Variants in KLK9 observed in about 807,000 individuals in gnomAD.
The protein encoded by KLK9 is kallikrein-9.
A neutral mutation model predicts 23.3 loss-of-function variants in KLK9; 26 were observed. The ratio of observed to expected loss-of-function variants is 1.12; its 90% CI spans 0.82 to 1.55. The LOEUF is 1.55. Among genes scored for constraint, KLK9 ranks in the 40% most tolerant of loss-of-function variants. The pLI is 0.00. For synonymous variants in KLK9, 122 were observed against 128.5 expected (o/e 0.95, Z 0.34); for missense variants, 346 against 333.7 (o/e 1.04, Z -0.29).
In KLK9 at chr19:51,006,880, A is replaced by G. The variant is rs1600130782; in HGVS notation, c.201-157T>C. Among the ~76,000 whole-genome samples, 2 of 151,742 alleles carry G rather than the reference A, an allele frequency of 1.3e-5. No homozygotes were observed. The highest frequency in any genetic ancestry group is 3.9e-4 in the East Asian group (2 of 5,176). ...TCTATGTCTGGCCCAGGGTACTGTG[A>G]TTTTAAGCGAGGCACACACCTCCTC... On this transcript the variant is annotated intron_variant, in intron 2 of 4. Transcript: ENST00000594211. This position sits in a 1 kb window ranked among gnomAD's most constrained non-coding sequence, Gnocchi z 4.1.
chr19:51,003,192 G>C lies in KLK9; in HGVS notation c.672C>G (p.Pro224=), dbSNP rs375230469. 2 of 1,587,836 alleles carry C rather than the reference G, an allele frequency of 1.3e-6. No individual in the cohort carries two copies. The highest frequency in any genetic ancestry group is 2.8e-5 in the African/African-American group (2 of 71,858). The change falls in exon 5 of 5, where the codon CCC becomes CCG. Residue 224 remains proline (P), a synonymous_variant. Coordinates refer to ENST00000594211, the MANE Select transcript of KLK9 (RefSeq NM_012315.2). ...LAGVVSGGAE[P]CSRPRRPAVY... ...CTGCGGGGCGCCGGGGTCTGGAGCA[G>C]GGCTCAGCACCCCCAGACACCACGC... is the stretch of plus-strand genomic sequence containing the variant.
chr19:51,009,540 A>G lies in KLK9; in HGVS notation c.8T>C (p.Leu3Pro). ...AGAGAGCAGAGCACAGAGGAGTCCC[A>G]GCTTCATGACCCCTGGGCACCTGGA... MK[L>P]GLLCALLSLL... Residue 3 changes from leucine (L) to proline (P), a missense_variant, in exon 1 of 5, where the codon CTG becomes CCG. Coordinates refer to ENST00000594211, the MANE Select transcript of KLK9 (RefSeq NM_012315.2). The surrounding 1 kb of genome is among the most constrained non-coding windows in gnomAD (Gnocchi z 4.8). 9.9e-6 allele frequency: 16 copies of G among 1,612,948 alleles called. No homozygotes were observed. The highest frequency in any genetic ancestry group is 1.3e-5 in the Non-Finnish European group (15 of 1,179,700).
intron 2 of KLK9, among the ~76,000 whole-genome samples, chr19:51,007,136 G>A (rs2091258832): frequency 6.6e-6 from 1 of 151,830 alleles, no homozygotes; most frequent in African/African-American, 2.4e-5. Context: ...TGTGGGAGCG[G>A]CTCTGTATGT....
Position 51,006,267 on chromosome 19 carries a change from C to T in KLK9, c.466+191G>A, listed in dbSNP as rs573024555. Among the ~76,000 whole-genome samples, 1 of 151,910 alleles carries T rather than the reference C, an allele frequency of 6.6e-6. No homozygotes were observed. Among genetic ancestry groups the T allele is most frequent in the Non-Finnish European group, 1.5e-5 (1 of 67,948 alleles). On this transcript the variant is annotated intron_variant, in intron 3 of 4. Coordinates refer to ENST00000594211, the MANE Select transcript of KLK9 (RefSeq NM_012315.2). The surrounding 1 kb of genome is among the most constrained non-coding windows in gnomAD (Gnocchi z 4.1). ...TCTCCTCCTCCTCCTTCTTCCACTTCTTCGCAGTTCATGAAATAATGGCAC... is the reference window on the plus strand; with the variant it reads ...TCTCCTCCTCCTCCTTCTTCCACTTTTTCGCAGTTCATGAAATAATGGCAC...
At chr19:51,007,910 T>C (rs933012377) in intron 2 of KLK9, among the ~76,000 whole-genome samples, 4 of 152,200 alleles carry the variant, frequency 2.6e-5, no homozygotes, top group African/African-American at 9.6e-5. Context: ...GCTCAAGGTT[T>C]AGAGTTTTAT....
intron 2 of KLK9, among the ~76,000 whole-genome samples, chr19:51,008,961 T>C (rs2091265950): frequency 6.6e-6 from 1 of 152,210 alleles, no homozygotes; most frequent in Admixed American, 6.5e-5. Flanking sequence ...TCTGGGTCAG[T>C]CTCGGATTCG....
chr19:51,009,583 G>A lies in KLK9; in HGVS notation c.-36C>T, dbSNP rs375285822. On this transcript the variant is annotated 5_prime_UTR_variant, in exon 1 of 5. Transcript: ENST00000594211. The surrounding 1 kb of genome is among the most constrained non-coding windows in gnomAD (Gnocchi z 4.8). ...CACCTGGATCCTGGAACGTGCACCC[G>A]GCGTCCAGTGCTTCTTTATGGTAAG... is the stretch of plus-strand genomic sequence containing the variant. The A allele has an allele frequency of 5.6e-6, 9 of 1,599,518 alleles. No individual in the cohort carries two copies. Among genetic ancestry groups the A allele is most frequent in the African/African-American group, 4.0e-5 (3 of 74,744 alleles).
Position 51,003,217 on chromosome 19 carries a change from C to CCT in KLK9, c.645_646dup (p.Gly216GlufsTer56), listed in dbSNP as rs779735848. The stretch of plus-strand genomic sequence containing the variant: ...GGGCTCAGCACCCCCAGACACCACG[C>CCT]CTGCCAAGGTTCCATTGCAAACCAG... On this transcript the variant is annotated frameshift_variant, in exon 5 of 5. Transcript: ENST00000594211. LOFTEE classifies it low-confidence loss of function (END_TRUNC). 1.9e-6 allele frequency: 3 copies of CCT among 1,613,106 alleles called. No homozygotes were observed. The South Asian group carries it at 3.3e-5, about 18-fold the overall frequency.
At position 51,004,289 on chromosome 19, in the gene KLK9, G is replaced by A. The variant is rs373615603; in HGVS notation, c.467-449C>T. ...TGGGAGGTGGAGGTTGCAGTGAGCC[G>A]AGACTGGTCACTGCACTCCAGCCTG... On this transcript the variant is annotated intron_variant, in intron 3 of 4. Coordinates refer to ENST00000594211, the MANE Select transcript of KLK9 (RefSeq NM_012315.2). 4.8e-5 allele frequency among the ~76,000 whole-genome samples: 6 copies of A among 125,718 alleles called. No homozygotes were observed. In the East Asian group the frequency reaches 1.1e-3, roughly 22 times the overall value. 82.5% of individuals were successfully genotyped at this position (125,718 alleles called of 152,430 possible).
At chr19:51,004,719 AGAAAT>A (rs1027254135) in intron 3 of KLK9, among the ~76,000 whole-genome samples, 3 of 151,224 alleles carry the variant, frequency 2.0e-5, no homozygotes, top group Non-Finnish European at 2.9e-5. Flanking sequence ...AAAAAAAAAA[AGAAAT>A]AGAAAAAGAC....
At chr19:51,004,277 T>A (rs1218726766) in intron 3 of KLK9, among the ~76,000 whole-genome samples, 3 of 116,618 alleles carry the variant, frequency 2.6e-5, no homozygotes, top group African/African-American at 3.4e-5. Context: ...GAGGTGGAGG[T>A]TGCAGTGAGC....
Position 51,006,473 on chromosome 19 carries a change from C to T in KLK9, c.451G>A (p.Val151Met), listed in dbSNP as rs200701550. Residue 151 changes from valine (V) to methionine (M), a missense_variant, in exon 3 of 5, where the codon GTG (valine) becomes ATG (methionine). Val to Met is a conservative substitution (Grantham distance 21). Coordinates refer to ENST00000594211, the MANE Select transcript of KLK9 (RefSeq NM_012315.2). This position sits in a 1 kb window ranked among gnomAD's most constrained non-coding sequence, Gnocchi z 4.1. ...MQCLISGWGA[V>M]SSPKALFPVT... is the part of the protein sequence containing the mutation. ...CAGGTCATACCCTTGGGGCTGGACA[C>T]GGCCCCCCAGCCTGAGATGAGACAC... 2.1e-4 allele frequency: 333 copies of T among 1,610,736 alleles called. 5 individuals are homozygous for T. The highest frequency in any genetic ancestry group is 2.7e-4 in the Non-Finnish European group (316 of 1,178,228).
intron 4 of KLK9, 68 bp from the exon 5 acceptor site, chr19:51,003,328 C>A: frequency 6.7e-7 from 1 of 1,499,456 alleles, no homozygotes. Flanking sequence ...CGGGCCACTT[C>A]CTCCCTCCCA....
chr19:51,002,992 A>AG lies in KLK9; in HGVS notation c.*118dup. The AG allele has an allele frequency of 8.2e-7, 1 of 1,222,308 alleles. No individual in the cohort carries two copies. The highest frequency in any genetic ancestry group is 1.6e-5 in the South Asian group (1 of 63,416). The allele number at this position is 1,222,308 out of a possible 1,614,324, so 75.7% of individuals were successfully genotyped here. Reference sequence around the variant, plus strand: ...GGCGGAGTCTTAGTGTCCAGAGGGGAGTCAGGGCAGCTGGAGGTCCAGGGC... The same window carrying AG: ...GGCGGAGTCTTAGTGTCCAGAGGGGAGGTCAGGGCAGCTGGAGGTCCAGGGC... On this transcript the variant is annotated 3_prime_UTR_variant, in exon 5 of 5. Coordinates refer to ENST00000594211, the MANE Select transcript of KLK9 (RefSeq NM_012315.2).
At chr19:51,003,423 C>G (rs1331265022) in intron 4 of KLK9, among the ~76,000 whole-genome samples, 163 bp from the exon 5 acceptor site, 1 of 152,128 alleles carries the variant, frequency 6.6e-6, no homozygotes, top group Admixed American at 6.5e-5. Flanking sequence ...AGTAAAAGCT[C>G]AGAGGGCCCA....
Position 51,009,147 on chromosome 19 carries a change from T to C in KLK9, c.200+36A>G, listed in dbSNP as rs781576826. 2 of 1,589,566 alleles carry C rather than the reference T, an allele frequency of 1.3e-6. No individual in the cohort carries two copies. Among genetic ancestry groups the C allele is most frequent in the Non-Finnish European group, 1.7e-6 (2 of 1,171,656 alleles). On this transcript the variant is annotated intron_variant, in intron 2 of 4. Transcript: ENST00000594211. This position sits in a 1 kb window ranked among gnomAD's most constrained non-coding sequence, Gnocchi z 4.8. ...TCACCCTCTCCTGACCCCCAGCCTCTGTCCCTCCCCAGCATGGCCAGCCTG... is the reference window on the plus strand; with the variant it reads ...TCACCCTCTCCTGACCCCCAGCCTCCGTCCCTCCCCAGCATGGCCAGCCTG...
intron 3 of KLK9, among the ~76,000 whole-genome samples, chr19:51,005,595 T>C (rs1299964764): frequency 5.9e-5 from 9 of 151,992 alleles, no homozygotes; most frequent in Non-Finnish European, 1.3e-4. Context: ...ACTATTAGAA[T>C]GCCCAGAATC....
intron 2 of KLK9, among the ~76,000 whole-genome samples, chr19:51,007,597 T>C (rs1277729507): frequency 6.6e-6 from 1 of 151,872 alleles, no homozygotes; most frequent in Non-Finnish European, 1.5e-5. Flanking sequence ...TTTCTCCTGC[T>C]TCACTTTCGG....
chr19:51,003,043 C>T lies in KLK9; in HGVS notation c.*68G>A, dbSNP rs1054651658. The T allele has an allele frequency of 2.4e-5, 37 of 1,526,922 alleles. No homozygotes were observed. The highest frequency in any genetic ancestry group is 3.8e-5 in the South Asian group (3 of 78,330). 94.6% of individuals were successfully genotyped at this position (1,526,922 alleles called of 1,614,324 possible). On this transcript the variant is annotated 3_prime_UTR_variant, in exon 5 of 5. Transcript: ENST00000594211. Reference sequence around the variant, plus strand: ...GGGAACCATTGAGGCTGGGACCCTACGAGAACCCCCTACCCCGTGCCCTTC... The same window carrying T: ...GGGAACCATTGAGGCTGGGACCCTATGAGAACCCCCTACCCCGTGCCCTTC...
Sources: allele counts gnomAD v4.1 joint callset (sites outside exome capture counted in the v4.1 genomes callset), GRCh38; gene constraint gnomAD v4.1.1; non-coding constraint Gnocchi (gnomAD v3.1); transcripts MANE v1.5; gene names NCBI Gene and HGNC (gene_info 2026-07-23, HGNC 2026-07-21).